Variants in TOPBP1 observed in about 807,000 individuals in gnomAD.
The protein encoded by TOPBP1 is DNA topoisomerase II binding protein 1, also known as DNA topoisomerase 2-binding protein 1.
Under a neutral mutation model 167.7 loss-of-function variants are expected in TOPBP1, and 28 were observed. The ratio of observed to expected loss-of-function variants is 0.17; its 90% CI spans 0.12 to 0.23. The LOEUF (loss-of-function observed/expected upper bound fraction) is 0.23. Ranked by LOEUF, TOPBP1 falls within the 10% of genes least tolerant of loss-of-function variation. The pLI is 1.00. For missense variants in TOPBP1, 1,554 were observed against 1,809.6 expected (o/e 0.86, Z 2.56); for synonymous variants, 598 against 611.4 (o/e 0.98, Z 0.32).
chr3:133,619,119 A>C (rs568757236), intron 20 of TOPBP1, among the ~76,000 whole-genome samples: 48 of 144,488 alleles, frequency 3.3e-4, no homozygotes, highest in East Asian at 3.9e-4. Context: ...AGCAAAAAAA[A>C]AAAAAACAAA....
intron 27 of TOPBP1, among the ~76,000 whole-genome samples, chr3:133,605,873 A>G (rs1934475901): frequency 6.6e-6 from 1 of 152,204 alleles, no homozygotes; most frequent in South Asian, 2.1e-4. Context: ...TAATTGTACT[A>G]AGTGAATTTT....
rs760258021 is a variant in TOPBP1 at position 133,640,087 on chromosome 3, C to G, written c.2105G>C (p.Gly702Ala). 1 of 1,613,710 alleles carries G rather than the reference C, an allele frequency of 6.2e-7. No homozygotes were observed. Among genetic ancestry groups the G allele is most frequent in the Non-Finnish European group, 8.5e-7 (1 of 1,179,862 alleles). Residue 702 changes from glycine (G) to alanine (A), a missense_variant, in exon 13 of 28, where the codon GGC (glycine) becomes GCC (alanine). Around this residue, in one of 3 missense-constraint regions of TOPBP1, gnomAD observed 1,197 missense variants for 1,351.5 expected, o/e 0.89. Transcript: ENST00000260810. ...STHLILKERG[G>A]SKYEAAKKWN... ...CTTCTTTGCAGCTTCATATTTAGAGCCACCACGTTCTTTCAGTATAAGATG... is the reference window on the plus strand; with the variant it reads ...CTTCTTTGCAGCTTCATATTTAGAGGCACCACGTTCTTTCAGTATAAGATG...
At chr3:133,625,061 G>A (rs1231472348) in intron 16 of TOPBP1, among the ~76,000 whole-genome samples, 2 of 152,132 alleles carry the variant, frequency 1.3e-5, no homozygotes, top group Non-Finnish European at 2.9e-5. Context: ...CCACCTCCCG[G>A]GTTCAAGCAA....
At position 133,600,601 on chromosome 3, in the gene TOPBP1, A is replaced by G. The variant is rs1308088454; in HGVS notation, c.*649T>C. 7 of 152,682 alleles carry G rather than the reference A, an allele frequency of 4.6e-5. No homozygotes were observed. The highest frequency in any genetic ancestry group is 1.7e-4 in the African/African-American group (7 of 41,468). 9.5% of individuals were successfully genotyped at this position (152,682 alleles called of 1,614,324 possible). On this transcript the variant is annotated 3_prime_UTR_variant, in exon 28 of 28. Transcript: ENST00000260810. ...TTGCTTCAACAGAAGAACAGATGCC[A>G]GGGTGCTCTTTTAAAAAATTTATCT...
rs1935040277 is a variant in TOPBP1, at chr3:133,620,266, G to A, written c.3260C>T (p.Pro1087Leu). The part of the protein sequence containing the change: ...EIMSATSIVK[P>L]QGQRTSLSRS... ...TGAAAGGGAAGTCCTCTGCCCTTGG[G>A]GTTTCACTATTGATGTTGCAGACAT... Residue 1087 changes from proline (P) to leucine (L), a missense_variant, in exon 20 of 28, where the codon CCC becomes CTC. This residue lies in a region of TOPBP1 where 1,197 missense variants were observed against 1,351.5 expected (regional missense o/e 0.89). Coordinates refer to ENST00000260810, the MANE Select transcript of TOPBP1 (RefSeq NM_007027.4). 6.2e-7 allele frequency: 1 copy of A among 1,613,858 alleles called. No individual in the cohort carries two copies. Among genetic ancestry groups the A allele is most frequent in the Non-Finnish European group, 8.5e-7 (1 of 1,179,864 alleles).
intron 20 of TOPBP1, among the ~76,000 whole-genome samples, chr3:133,619,940 T>C (rs1935026185): frequency 6.6e-6 from 1 of 152,194 alleles, no homozygotes; most frequent in African/African-American, 2.4e-5. Context: ...TAGATAATAC[T>C]GGAATATAAT....
In TOPBP1 at chr3:133,661,153, C is replaced by A. The variant is rs760084896; in HGVS notation, c.-7-19G>T. 2.0e-6 allele frequency: 3 copies of A among 1,535,724 alleles called. No homozygotes were observed. In the South Asian group the frequency reaches 3.7e-5, roughly 19 times the overall value. On this transcript the variant is annotated intron_variant, in intron 1 of 27. Transcript: ENST00000260810. ...TTCTGAACTGTCAAAATAAAGGAAC[C>A]ATTAACAAGAACAAAACCACATTAG...
Position 133,653,884 on chromosome 3 carries a change from G to T in TOPBP1, c.743-360C>A, listed in dbSNP as rs568722633. ...TGACCTCAGGTGATTCGCCTGCCTT[G>T]GCCTCCCAAAATGCTGGGATTACAA... On this transcript the variant is annotated intron_variant, in intron 6 of 27. Coordinates refer to ENST00000260810, the MANE Select transcript of TOPBP1 (RefSeq NM_007027.4). Among the ~76,000 whole-genome samples, 4 of 152,134 alleles carry T rather than the reference G, an allele frequency of 2.6e-5. No individual in the cohort carries two copies. In the South Asian group the frequency reaches 8.3e-4, roughly 32 times the overall value.
chr3:133,611,286 A>T (rs1934666908), intron 24 of TOPBP1, 145 bp from the exon 25 acceptor site: 1 of 646,044 alleles, frequency 1.5e-6, no homozygotes, highest in Non-Finnish European at 2.3e-6. Context: ...CTAAGTAAAT[A>T]TTGTTTTATG....
Position 133,652,528 on chromosome 3 carries a change from C to T in TOPBP1, c.1024G>A (p.Glu342Lys). Reference sequence around the variant, plus strand: ...CTGACATCCAGATTTTCTAGATTTTCAAGTGTAGGCTCCAGTTTGCTGTTA... The same window carrying T: ...CTGACATCCAGATTTTCTAGATTTTTAAGTGTAGGCTCCAGTTTGCTGTTA... Reference protein sequence around the residue: ...SLNSKLEPTLENLENLDVSAF... With the variant: ...SLNSKLEPTLKNLENLDVSAF... Residue 342 changes from glutamate (E) to lysine (K), a missense_variant, in exon 8 of 28, where the codon GAA becomes AAA. Coordinates refer to ENST00000260810, the MANE Select transcript of TOPBP1 (RefSeq NM_007027.4). The T allele has an allele frequency of 6.2e-7, 1 of 1,612,002 alleles. No homozygotes were observed. Among genetic ancestry groups the T allele is most frequent in the Non-Finnish European group, 8.5e-7 (1 of 1,179,836 alleles).
At chr3:133,658,235 C>CG (rs1559835605) in intron 3 of TOPBP1, among the ~76,000 whole-genome samples, 1 of 152,056 alleles carries the variant, frequency 6.6e-6, no homozygotes, top group Non-Finnish European at 1.5e-5. Context: ...GGAGGCCGAG[C>CG]GGGGGTGGAT....
chr3:133,658,511 C>T (rs1936564624), intron 3 of TOPBP1, among the ~76,000 whole-genome samples: 1 of 151,628 alleles, frequency 6.6e-6, no homozygotes, highest in Non-Finnish European at 1.5e-5. Flanking sequence ...CTTCAAAAGC[C>T]CCTTTCACTG....
intron 10 of TOPBP1, among the ~76,000 whole-genome samples, chr3:133,647,219 T>G (rs1047150565): frequency 3.3e-5 from 5 of 152,220 alleles, no homozygotes; most frequent in African/African-American, 1.2e-4. Flanking sequence ...ACATCTCTCC[T>G]AAGAATCTGT....
At chr3:133,605,994 C>T (rs933663557) in intron 27 of TOPBP1, among the ~76,000 whole-genome samples, 4 of 151,744 alleles carry the variant, frequency 2.6e-5, no homozygotes, top group African/African-American at 9.7e-5. Context: ...CCAGCCTGGG[C>T]AACCTGGTGA....
intron 14 of TOPBP1, among the ~76,000 whole-genome samples, chr3:133,630,367 T>C (rs1935428763): frequency 6.6e-6 from 1 of 151,716 alleles, no homozygotes; most frequent in Non-Finnish European, 1.5e-5. Flanking sequence ...GGCATGATTA[T>C]AGGTCACTGT....
intron 3 of TOPBP1, among the ~76,000 whole-genome samples, chr3:133,658,542 A>T (rs1936566348): frequency 1.3e-5 from 2 of 152,034 alleles, no homozygotes; most frequent in African/African-American, 4.8e-5. Context: ...TACTGCTTAC[A>T]TCTATAAGCC....
intron 13 of TOPBP1, among the ~76,000 whole-genome samples, chr3:133,638,649 CCAGT>C (rs1935761981): frequency 6.6e-6 from 1 of 152,160 alleles, no homozygotes; most frequent in South Asian, 2.1e-4. Context: ...CATAAAATTA[CCAGT>C]CTGTCTGGCA....
At chr3:133,641,770 T>C (rs1428068508) in intron 12 of TOPBP1, among the ~76,000 whole-genome samples, 4 of 152,244 alleles carry the variant, frequency 2.6e-5, no homozygotes, top group Admixed American at 1.3e-4. Context: ...TCATCATGTA[T>C]GTTATTATCT....
chr3:133,604,417 G>A (rs972444431), intron 27 of TOPBP1, among the ~76,000 whole-genome samples: 2 of 151,728 alleles, frequency 1.3e-5, no homozygotes, highest in Non-Finnish European at 2.9e-5. Context: ...GATTACAGGC[G>A]TGTGCTACCG....
Sources: gnomAD v4.1 joint callset for allele counts (sites outside exome capture counted in the v4.1 genomes callset) on GRCh38, gnomAD v4.1.1 for gene constraint, gnomAD v4.1.1 regional missense constraint, MANE v1.5 for transcripts, NCBI Gene and HGNC (gene_info 2026-07-23, HGNC 2026-07-21) for gene names.